FER: variants seen among roughly 807,000 people sequenced by gnomAD.
FER encodes the protein FER tyrosine kinase, also known as tyrosine-protein kinase Fer.
In FER, 63 loss-of-function variants were observed where a neutral mutation model predicts 111.0. That is an observed-to-expected ratio of 0.57 (90% CI 0.46 to 0.70). The LOEUF (loss-of-function observed/expected upper bound fraction) is 0.70. FER is among the 30% of genes least tolerant of loss of function. The pLI is 0.00. For missense variants in FER, 914 were observed against 954.0 expected, an observed-to-expected ratio of 0.96 and a Z score of 0.55; for synonymous variants, 327 against 313.9, an observed-to-expected ratio of 1.04 and a Z score of -0.44.
chr5:109,011,451 G>A (rs1252032136), intron 13 of FER, among the ~76,000 whole-genome samples: 1 of 152,026 alleles, frequency 6.6e-6, no homozygotes, highest in Non-Finnish European at 1.5e-5. Flanking sequence ...TTCTTGTCTC[G>A]CTCAGTTACC....
chr5:108,830,896 G>C (rs1028011439), intron 3 of FER: 4 of 152,228 alleles, frequency 2.6e-5, no homozygotes, highest in African/African-American at 7.2e-5. Context: ...TCTGATAAGA[G>C]GTATGAAGAG....
At chr5:108,972,941 C>T (rs747935741) in intron 13 of FER, among the ~76,000 whole-genome samples, 110 of 152,146 alleles carry the variant, frequency 7.2e-4, no homozygotes, top group Admixed American at 2.0e-3. Context: ...CAGTGCTCTT[C>T]GGAAACTTCA....
At chr5:109,040,058 G>A (rs1359956773) in intron 14 of FER, among the ~76,000 whole-genome samples, 2 of 152,016 alleles carry the variant, frequency 1.3e-5, no homozygotes, top group African/African-American at 4.8e-5. Context: ...CTGTATGTGG[G>A]GTATTAGAGA....
At chr5:109,011,382 TAGTG>T (rs1353237360) in intron 13 of FER, among the ~76,000 whole-genome samples, 2 of 152,328 alleles carry the variant, frequency 1.3e-5, no homozygotes, top group African/African-American at 4.8e-5. Flanking sequence ...GACAAAGAAT[TAGTG>T]AGATAAGGTA....
intron 10 of FER, among the ~76,000 whole-genome samples, chr5:108,908,982 G>C (rs1751178212): frequency 6.6e-6 from 1 of 152,212 alleles, no homozygotes; most frequent in South Asian, 2.1e-4. Context: ...AGTGAGCCAA[G>C]ATGACATCAC....
intron 3 of FER, among the ~76,000 whole-genome samples, chr5:108,824,566 G>A (rs1250820021): frequency 6.6e-6 from 1 of 151,938 alleles, no homozygotes; most frequent in Admixed American, 6.6e-5. Flanking sequence ...GCTAATTTGG[G>A]AGTGTTTTCC....
At chr5:109,004,394 A>T (rs1211809423) in intron 13 of FER, among the ~76,000 whole-genome samples, 2 of 152,218 alleles carry the variant, frequency 1.3e-5, no homozygotes, top group Admixed American at 1.3e-4. Context: ...CTAGGAATGT[A>T]TTATAAATAA....
At chr5:109,066,641 A>G (rs928858213) in intron 16 of FER, among the ~76,000 whole-genome samples, 1 of 152,214 alleles carries the variant, frequency 6.6e-6, no homozygotes, top group Non-Finnish European at 1.5e-5. Flanking sequence ...CAAATGTGTC[A>G]TCCTGTATTT....
chr5:109,150,722 C>T (rs80290487), intron 17 of FER, among the ~76,000 whole-genome samples: 1 of 152,142 alleles, frequency 6.6e-6, no homozygotes, highest in Non-Finnish European at 1.5e-5. Flanking sequence ...CTGTGATTAA[C>T]ATTCTCCTTG....
chr5:109,151,999 C>CG (rs1418791054), intron 17 of FER, among the ~76,000 whole-genome samples: 1 of 152,050 alleles, frequency 6.6e-6, no homozygotes, highest in Non-Finnish European at 1.5e-5. Context: ...CTGAGACTTT[C>CG]GGGCAACCGT....
In FER at chr5:109,187,597, AGCCTTCAG is replaced by A; in HGVS notation, c.*24_*31del. Reference sequence around the variant, plus strand: ...ATAGTGACAGGATGGCGCCAAACTCAGCCTTCAGGACTCTGTCCTCCAGCAGAGTAACA... The same window carrying A: ...ATAGTGACAGGATGGCGCCAAACTCAGACTCTGTCCTCCAGCAGAGTAACA... On this transcript the variant is annotated 3_prime_UTR_variant, in exon 20 of 20. Coordinates refer to ENST00000281092, the MANE Select transcript of FER (RefSeq NM_005246.4). The A allele has an allele frequency of 6.2e-7, 1 of 1,613,840 alleles. No individual in the cohort carries two copies. The highest frequency in any genetic ancestry group is 1.1e-5 in the South Asian group (1 of 91,050).
At chr5:109,109,785 C>G (rs1289311353) in intron 17 of FER, among the ~76,000 whole-genome samples, 3 of 152,140 alleles carry the variant, frequency 2.0e-5, no homozygotes, top group Non-Finnish European at 4.4e-5. Context: ...CACGATATTT[C>G]AATTCACCTT....
intron 1 of FER, chr5:108,748,687 C>G (rs558613156): frequency 1.4e-4 from 22 of 152,356 alleles, no homozygotes; most frequent in Admixed American, 1.4e-3. Context: ...CTCCCAGGGC[C>G]CGCAGCTTGG....
At chr5:109,152,604 G>T (rs1007452869) in intron 17 of FER, among the ~76,000 whole-genome samples, 11 of 151,950 alleles carry the variant, frequency 7.2e-5, no homozygotes, top group Admixed American at 3.9e-4. Flanking sequence ...ATAGGTGTGG[G>T]TATACAATAT....
chr5:108,795,990 A>C (rs1755973283), intron 2 of FER, among the ~76,000 whole-genome samples: 1 of 152,134 alleles, frequency 6.6e-6, no homozygotes, highest in Non-Finnish European at 1.5e-5. Flanking sequence ...TGTAGTCTTC[A>C]CTTCTGTGCT....
intron 5 of FER, among the ~76,000 whole-genome samples, chr5:108,838,972 A>G (rs1308409030): frequency 1.4e-4 from 21 of 152,262 alleles, no homozygotes; most frequent in African/African-American, 3.4e-4. Flanking sequence ...ATTTTAACCT[A>G]TTGAGCTGAA....
chr5:108,853,790 T>A (rs1218285547), intron 5 of FER, among the ~76,000 whole-genome samples: 1 of 152,214 alleles, frequency 6.6e-6, no homozygotes, highest in Non-Finnish European at 1.5e-5. Flanking sequence ...ACACTGACTT[T>A]TACTCAAGTA....
chr5:108,900,024 A>G (rs1042059239), intron 10 of FER, among the ~76,000 whole-genome samples: 2 of 152,192 alleles, frequency 1.3e-5, no homozygotes, highest in Non-Finnish European at 2.9e-5. Context: ...TGCATATTTC[A>G]TTTTATCAAA....
At chr5:108,911,873 T>G (rs186451591) in intron 10 of FER, among the ~76,000 whole-genome samples, 1 of 152,320 alleles carries the variant, frequency 6.6e-6, no homozygotes, top group African/African-American at 2.4e-5. Context: ...ATGGTTTGGC[T>G]GTGTCCCCAC....
Sources: allele counts gnomAD v4.1 joint callset (sites outside exome capture counted in the v4.1 genomes callset), GRCh38; gene constraint gnomAD v4.1.1; transcripts MANE v1.5; gene names NCBI Gene and HGNC (gene_info 2026-07-23, HGNC 2026-07-21).